RANBP2: variants seen among roughly 807,000 people sequenced by gnomAD.
The protein encoded by RANBP2 is RAN binding protein 2, also known as E3 SUMO-protein ligase RanBP2.
RANBP2 carries 57 observed loss-of-function variants against 303.6 expected under a neutral mutation model. The ratio of observed to expected loss-of-function variants is 0.19; its 90% CI spans 0.15 to 0.23. The LOEUF (loss-of-function observed/expected upper bound fraction) is 0.23. Ranked by LOEUF, RANBP2 falls within the 10% of genes least tolerant of loss-of-function variation. The pLI, the probability that RANBP2 is intolerant of heterozygous loss-of-function variation, is 1.00. For synonymous variants in RANBP2, 1,167 were observed against 1,301.5 expected (o/e 0.90, Z 2.23); for missense variants, 3,138 against 3,780.8 (o/e 0.83, Z 4.46).
At chr2:109,589,170 T>C in the RANBP2 span, among the ~76,000 whole-genome samples, 1 of 151,784 alleles carries the variant, frequency 6.6e-6, no homozygotes, top group African/African-American at 2.4e-5. Context: ...TGAGATGGAG[T>C]CTCACTCTGT....
chr2:109,674,391 T>G, the RANBP2 span, among the ~76,000 whole-genome samples: 1 of 110,064 alleles, frequency 9.1e-6, no homozygotes, highest in Non-Finnish European at 1.7e-5. Flanking sequence ...CCGGGAAACA[T>G]GGCAAGACCT....
chr2:109,345,616 C>G, the RANBP2 span, among the ~76,000 whole-genome samples: 1 of 152,144 alleles, frequency 6.6e-6, no homozygotes, highest in African/African-American at 2.4e-5. Flanking sequence ...TTCTTACATC[C>G]CTTCAAAACT....
the RANBP2 span, chr2:109,129,961 C>A: frequency 1.4e-6 from 2 of 1,429,226 alleles, no homozygotes; most frequent in Non-Finnish European, 1.8e-6. Context: ...GCGTCCCATC[C>A]CAGGCCAGAG....
At chr2:109,641,888 C>A in the RANBP2 span, among the ~76,000 whole-genome samples, 1 of 152,170 alleles carries the variant, frequency 6.6e-6, no homozygotes, top group African/African-American at 2.4e-5. Flanking sequence ...TCACTGCAAC[C>A]TATGCCTGCT....
chr2:109,205,751 C>T, the RANBP2 span, among the ~76,000 whole-genome samples: 1 of 152,192 alleles, frequency 6.6e-6, no homozygotes, highest in South Asian at 2.1e-4. Context: ...AAGGCAGCCC[C>T]GCTCTGTGCA....
chr2:109,091,401 G>T, the RANBP2 span, among the ~76,000 whole-genome samples: 1 of 151,918 alleles, frequency 6.6e-6, no homozygotes, highest in Non-Finnish European at 1.5e-5. Context: ...AGTTTTAATG[G>T]ATTTTATGTA....
chr2:109,372,659 C>G, the RANBP2 span, among the ~76,000 whole-genome samples: 2,947 of 152,326 alleles, frequency 0.019, 94 homozygotes, highest in African/African-American at 0.061. Context: ...ACCAAGGTTT[C>G]AGCGCGGGCC....
At chr2:108,865,679 A>G in the RANBP2 span, among the ~76,000 whole-genome samples, 18 of 152,176 alleles carry the variant, frequency 1.2e-4, no homozygotes, top group African/African-American at 3.9e-4. Context: ...TTCTGAGACC[A>G]TGGAGACTGA....
chr2:108,867,035 AGG>A, the RANBP2 span, among the ~76,000 whole-genome samples: 1 of 152,168 alleles, frequency 6.6e-6, no homozygotes, highest in Admixed American at 6.5e-5. Context: ...GGTTAATTAA[AGG>A]GGAATTATAA....
At chr2:109,305,748 T>C in the RANBP2 span, among the ~76,000 whole-genome samples, 3 of 152,190 alleles carry the variant, frequency 2.0e-5, no homozygotes, top group Non-Finnish European at 4.4e-5. Context: ...TTCCAGGCAG[T>C]GTTCTCTGCG....
At chr2:109,357,156 CACAA>C in the RANBP2 span, among the ~76,000 whole-genome samples, 1 of 150,946 alleles carries the variant, frequency 6.6e-6, no homozygotes, top group African/African-American at 2.4e-5. Context: ...TGATGATTAT[CACAA>C]ACAATATATT....
At chr2:109,340,880 A>G in the RANBP2 span, among the ~76,000 whole-genome samples, 1 of 152,126 alleles carries the variant, frequency 6.6e-6, no homozygotes, top group Non-Finnish European at 1.5e-5. Context: ...AGGCCACAAC[A>G]AAGTCTGGGA....
chr2:109,738,139 C>T, the RANBP2 span, among the ~76,000 whole-genome samples: 7 of 151,886 alleles, frequency 4.6e-5, no homozygotes, highest in African/African-American at 1.7e-4. Context: ...GTGGTCTCAT[C>T]TGTAAAATCT....
the RANBP2 span, among the ~76,000 whole-genome samples, chr2:108,870,202 A>G: frequency 1.3e-5 from 2 of 152,240 alleles, no homozygotes; most frequent in Non-Finnish European, 1.5e-5. Context: ...GAACTGGAAA[A>G]TACAGTAGCT....
the RANBP2 span, chr2:109,546,236 A>T: frequency 2.6e-6 from 4 of 1,541,108 alleles, no homozygotes; most frequent in Non-Finnish European, 2.6e-6. Context: ...TTTGGCCTGT[A>T]GCTGGAAACA....
At chr2:108,945,141 C>T in the RANBP2 span, among the ~76,000 whole-genome samples, 1,494 of 152,178 alleles carry the variant, frequency 9.8e-3, 28 homozygotes, top group African/African-American at 0.034. Context: ...TCAGGAAGCT[C>T]GATCCTGTGT....
At chr2:109,529,300 T>C in the RANBP2 span, among the ~76,000 whole-genome samples, 1 of 152,108 alleles carries the variant, frequency 6.6e-6, no homozygotes, top group African/African-American at 2.4e-5. Context: ...CAGGCCAATG[T>C]GGACAGCCAG....
At chr2:109,415,006 G>A in the RANBP2 span, among the ~76,000 whole-genome samples, 2 of 152,230 alleles carry the variant, frequency 1.3e-5, no homozygotes, top group Non-Finnish European at 2.9e-5. Context: ...AGGCCCTCCC[G>A]AGAGGGAAGC....
the RANBP2 span, chr2:109,615,059 C>G: frequency 1.5e-5 from 24 of 1,549,226 alleles, no homozygotes; most frequent in Non-Finnish European, 2.1e-5. Context: ...ACAGGGGCAG[C>G]TCCCTTGTGG....
Sources: gnomAD v4.1 joint callset for allele counts (sites outside exome capture counted in the v4.1 genomes callset) on GRCh38, gnomAD v4.1.1 for gene constraint, MANE v1.5 for transcripts, NCBI Gene and HGNC (gene_info 2026-07-23, HGNC 2026-07-21) for gene names.